Variants in KAZN observed in about 807,000 individuals in gnomAD.
KAZN encodes kazrin.
Under a neutral mutation model 87.4 loss-of-function variants are expected in KAZN, and 40 were observed. The ratio of observed to expected loss-of-function variants is 0.46; its 90% CI spans 0.36 to 0.60. KAZN has a LOEUF of 0.60. Ranked by LOEUF, KAZN falls within the 20% of genes least tolerant of loss-of-function variation. KAZN has a pLI of 0.00. For synonymous variants in KAZN, 466 were observed against 458.3 expected (o/e 1.02, Z -0.22); for missense variants, 898 against 1,073.9 (o/e 0.84, Z 2.29).
chr1:14,522,000 G>A (rs1015250395), intron 2 of KAZN, among the ~76,000 whole-genome samples: 3 of 152,192 alleles, frequency 2.0e-5, no homozygotes, highest in African/African-American at 7.2e-5. Context: ...ACATCCAAAT[G>A]TGTGTTAGGG....
chr1:15,099,708 TGA>T lies in KAZN; in HGVS notation c.1548-1833_1548-1832del, dbSNP rs1640964781. ...CCTGCAAAGAGAAGCCACAGAGTGTTGAGCAGGGGAGTGCACGGTCACACTGA... is the reference window on the plus strand; with the variant it reads ...CCTGCAAAGAGAAGCCACAGAGTGTTGCAGGGGAGTGCACGGTCACACTGA... On this transcript the variant is annotated intron_variant, in intron 10 of 14. Coordinates refer to ENST00000376030, the MANE Select transcript of KAZN (RefSeq NM_201628.3). The surrounding 1 kb of genome is among the most constrained non-coding windows in gnomAD (Gnocchi z 5.4). Among the ~76,000 whole-genome samples, 2 of 152,142 alleles carry T rather than the reference TGA, an allele frequency of 1.3e-5. No homozygotes were observed. Among genetic ancestry groups the T allele is most frequent in the African/African-American group, 4.8e-5 (2 of 41,416 alleles).
At chr1:14,993,465 A>G (rs1004094177) in intron 2 of KAZN, among the ~76,000 whole-genome samples, 14 of 151,474 alleles carry the variant, frequency 9.2e-5, no homozygotes, top group African/African-American at 3.4e-4. Flanking sequence ...GCAAAACTCC[A>G]TCTCAAAAAA....
At chr1:13,922,810 A>G (rs1264280599) in intron 1 of KAZN, among the ~76,000 whole-genome samples, 1 of 152,184 alleles carries the variant, frequency 6.6e-6, no homozygotes, top group African/African-American at 2.4e-5. Flanking sequence ...CAGCTCAGAA[A>G]TCTGGCTCTT....
At chr1:14,328,662 C>A (rs1023391870) in intron 2 of KAZN, among the ~76,000 whole-genome samples, 1 of 149,916 alleles carries the variant, frequency 6.7e-6, no homozygotes, top group Non-Finnish European at 1.5e-5. Flanking sequence ...GAGATTGCAC[C>A]ACTGTACTCC....
At position 14,709,545 on chromosome 1, in the gene KAZN, A is replaced by G. The variant is rs546300964; in HGVS notation, c.226+110322A>G. 4.6e-5 allele frequency among the ~76,000 whole-genome samples: 7 copies of G among 152,328 alleles called. No homozygotes were observed. The East Asian group carries it at 1.4e-3, about 29-fold the overall frequency. ...AGAAGGACCAAGTGCTTCTGCAGGA[A>G]GTAAACTCTGTGCCAAGCAGACGGT... On this transcript the variant is annotated intron_variant, in intron 1 of 14. Transcript: ENST00000376030.
At chr1:15,083,477 G>A (rs986064863) in intron 8 of KAZN, among the ~76,000 whole-genome samples, 1 of 152,088 alleles carries the variant, frequency 6.6e-6, no homozygotes, top group East Asian at 1.9e-4. Flanking sequence ...ACCTGTCCCC[G>A]GTAGCTTAGT....
intron 1 of KAZN, among the ~76,000 whole-genome samples, chr1:14,144,348 T>G (rs79547320): frequency 0.027 from 4,133 of 152,300 alleles, 197 homozygotes; most frequent in African/African-American, 0.094. Flanking sequence ...TCCAGAACTT[T>G]CCTAGGGAAG....
intron 2 of KAZN, among the ~76,000 whole-genome samples, chr1:14,292,077 C>T (rs1249907560): frequency 1.3e-5 from 2 of 152,106 alleles, no homozygotes; most frequent in South Asian, 2.1e-4. Context: ...TGCTTAAAGT[C>T]ACACTTTCCG....
At chr1:14,795,994 T>C (rs186913427) in intron 1 of KAZN, among the ~76,000 whole-genome samples, 5 of 152,308 alleles carry the variant, frequency 3.3e-5, no homozygotes, top group Admixed American at 2.0e-4. Context: ...TGTGTGTTTC[T>C]TTATGGCCTA....
intron 1 of KAZN, among the ~76,000 whole-genome samples, chr1:14,812,494 C>G (rs1346479518): frequency 6.6e-6 from 1 of 152,162 alleles, no homozygotes; most frequent in African/African-American, 2.4e-5. Flanking sequence ...GGATCACATT[C>G]ATTTTTCAAG....
At position 14,225,168 on chromosome 1, in the gene KAZN, G is replaced by C. The variant is rs575653207; in HGVS notation, c.249+44576G>C. The stretch of plus-strand genomic sequence containing the variant: ...AGAAAACCCCAGTCTTTGCTAAAAA[G>C]CTCCTAGATCTGATAAATGACCTCA... On this transcript the variant is annotated intron_variant, in intron 2 of 16. Transcript: ENST00000636203. Among the ~76,000 whole-genome samples the C allele has an allele frequency of 2.6e-5, 4 of 152,172 alleles. No homozygotes were observed. The East Asian group carries it at 5.8e-4, about 22-fold the overall frequency.
chr1:14,736,257 GTGTGTGT>G (rs1557437540), intron 1 of KAZN, among the ~76,000 whole-genome samples: 14,889 of 99,444 alleles, frequency 0.15, 904 homozygotes, highest in South Asian at 0.29. Flanking sequence ...ACTCAAGGGT[GTGTGTGT>G]GTGTGTGTGT....
At chr1:14,176,985 C>A (rs563487958) in intron 1 of KAZN, among the ~76,000 whole-genome samples, 117 of 152,168 alleles carry the variant, frequency 7.7e-4, no homozygotes, top group African/African-American at 2.6e-3. Context: ...TGGTGAAACA[C>A]CGTCTCTACT....
intron 1 of KAZN, among the ~76,000 whole-genome samples, chr1:14,041,162 G>T (rs1641823251): frequency 6.6e-6 from 1 of 152,152 alleles, no homozygotes; most frequent in Non-Finnish European, 1.5e-5. Flanking sequence ...TTTCATGAAT[G>T]ATCAATTTTG....
chr1:14,262,579 G>A (rs907807036), intron 2 of KAZN, among the ~76,000 whole-genome samples: 10 of 152,176 alleles, frequency 6.6e-5, no homozygotes, highest in Admixed American at 5.9e-4. Flanking sequence ...AGCTTAAGAT[G>A]GGTCACCTGC....
At chr1:14,102,883 C>G (rs918076905) in intron 1 of KAZN, among the ~76,000 whole-genome samples, 1 of 151,876 alleles carries the variant, frequency 6.6e-6, no homozygotes, top group Non-Finnish European at 1.5e-5. Flanking sequence ...CATGGGCTTC[C>G]CTCTGTACAC....
At chr1:15,052,642 GT>G (rs2100452939) in intron 4 of KAZN, among the ~76,000 whole-genome samples, 1 of 152,278 alleles carries the variant, frequency 6.6e-6, no homozygotes, top group South Asian at 2.1e-4. Context: ...GGATACGTGG[GT>G]GTGAAAGCAG....
intron 1 of KAZN, among the ~76,000 whole-genome samples, chr1:14,611,628 G>A (rs1572044828): frequency 6.6e-6 from 1 of 151,368 alleles, no homozygotes; most frequent in Non-Finnish European, 1.5e-5. Context: ...GTTTGAGGTT[G>A]CAGTGAGCTA....
intron 1 of KAZN, among the ~76,000 whole-genome samples, chr1:14,167,678 A>T (rs1645861366): frequency 6.6e-6 from 1 of 152,148 alleles, no homozygotes; most frequent in Non-Finnish European, 1.5e-5. Flanking sequence ...AGCCGAGATC[A>T]TGCCACTTCA....
Sources: allele counts gnomAD v4.1 joint callset (sites outside exome capture counted in the v4.1 genomes callset), GRCh38; gene constraint gnomAD v4.1.1; non-coding constraint Gnocchi (gnomAD v3.1); transcripts MANE v1.5; gene names NCBI Gene and HGNC (gene_info 2026-07-23, HGNC 2026-07-21).